PCDHGA5: variants seen among roughly 807,000 people sequenced by gnomAD.
PCDHGA5 encodes protocadherin gamma-A5.
A neutral mutation model predicts 56.7 loss-of-function variants in PCDHGA5; 36 were observed. The ratio of observed to expected loss-of-function variants is 0.64; its 90% CI spans 0.49 to 0.84. PCDHGA5 has a LOEUF of 0.84. Ranked by LOEUF, PCDHGA5 falls within the 40% of genes least tolerant of loss-of-function variation. The probability of loss-of-function intolerance (pLI) is 0.00; values close to 1 mark genes in which losing one functional copy is unlikely to be tolerated. For synonymous variants in PCDHGA5, 563 were observed against 520.2 expected, an observed-to-expected ratio of 1.08 and a Z score of -1.12; for missense variants, 1,305 against 1,201.5, an observed-to-expected ratio of 1.09 and a Z score of -1.27.
chr5:141,482,102 A>T (rs1016315214), intron 1 of PCDHGA5, among the ~76,000 whole-genome samples: 13 of 151,860 alleles, frequency 8.6e-5, no homozygotes, highest in African/African-American at 2.7e-4. Context: ...AAAAAAAAAA[A>T]AAATATCTAG....
intron 1 of PCDHGA5, among the ~76,000 whole-genome samples, chr5:141,492,781 T>A (rs945023154): frequency 6.6e-6 from 1 of 152,194 alleles, no homozygotes; most frequent in African/African-American, 2.4e-5. Context: ...TGAGTGAGCC[T>A]CTATAGGACA....
intron 3 of PCDHGA5, among the ~76,000 whole-genome samples, chr5:141,509,015 C>T (rs1370464396): frequency 6.6e-6 from 1 of 152,098 alleles, no homozygotes; most frequent in East Asian, 1.9e-4. Flanking sequence ...AAGTGGGCAG[C>T]TGCTCCCTCC....
chr5:141,386,441 T>C (rs908191919), intron 1 of PCDHGA5, among the ~76,000 whole-genome samples: 3 of 152,152 alleles, frequency 2.0e-5, no homozygotes, highest in African/African-American at 7.2e-5. Context: ...CATGGGAGGC[T>C]GAGGCAAGAG....
chr5:141,371,220 G>A (rs1172687028), intron 1 of PCDHGA5: 4 of 1,613,874 alleles, frequency 2.5e-6, no homozygotes, highest in South Asian at 1.1e-5. Flanking sequence ...CATCAATGCC[G>A]AAATCATCTA....
At chr5:141,400,684 G>GT (rs1422516327) in intron 1 of PCDHGA5, 1 of 834,872 alleles carries the variant, frequency 1.2e-6, no homozygotes, top group African/African-American at 1.7e-5. Flanking sequence ...TAAATTGTGA[G>GT]TTTTTATGTC....
rs1242637725 is a variant in PCDHGA5 at position 141,432,619 on chromosome 5, T to G, written c.2422-62188T>G. 3.1e-6 allele frequency: 5 copies of G among 1,612,618 alleles called. No homozygotes were observed. The highest frequency in any genetic ancestry group is 1.7e-5 in the Admixed American group (1 of 59,934). On this transcript the variant is annotated intron_variant, in intron 1 of 3. Transcript: ENST00000518069. This position sits in a 1 kb window ranked among gnomAD's most constrained non-coding sequence, Gnocchi z 6.0. ...GCGAGCCGGGACTCTTCTCGGTGGG[T>G]CTGCACACGGGCGAGGTGCGCACGG... is the stretch of plus-strand genomic sequence containing the variant.
chr5:141,490,906 G>C lies in PCDHGA5; in HGVS notation c.2422-3901G>C. On this transcript the variant is annotated intron_variant, in intron 1 of 3. Transcript: ENST00000518069. The surrounding 1 kb of genome is among the most constrained non-coding windows in gnomAD (Gnocchi z 5.4). ...CACATCTCTGCATGTGTTTGTCCTA[G>C]ACGAGAATGATAATGCCCCAGCTGT... The C allele has an allele frequency of 1.9e-6, 3 of 1,613,798 alleles. No individual in the cohort carries two copies. The highest frequency in any genetic ancestry group is 2.5e-6 in the Non-Finnish European group (3 of 1,179,808).
chr5:141,510,919 C>T (rs748157000), intron 3 of PCDHGA5, 28 bp from the exon 4 acceptor site: 1 of 1,613,894 alleles, frequency 6.2e-7, no homozygotes, highest in East Asian at 2.2e-5. Context: ...AAGTTTAGCT[C>T]CCACCTGATC....
intron 1 of PCDHGA5, among the ~76,000 whole-genome samples, chr5:141,455,289 A>C (rs1592356100): frequency 6.6e-6 from 1 of 152,074 alleles, no homozygotes; most frequent in South Asian, 2.1e-4. Flanking sequence ...ATCACTTTAC[A>C]TAGTTTCATC....
chr5:141,490,417 C>A lies in PCDHGA5; in HGVS notation c.2422-4390C>A, dbSNP rs767996336. ...AGTGAGCCTTGATATCTCTCCGGAC[C>A]TGCCATTTCAGATTAAGCCTTCTGA... On this transcript the variant is annotated intron_variant, in intron 1 of 3. Transcript: ENST00000518069. The surrounding 1 kb of genome is among the most constrained non-coding windows in gnomAD (Gnocchi z 5.4). 4.3e-6 allele frequency: 7 copies of A among 1,614,196 alleles called. No homozygotes were observed. In the South Asian group the frequency reaches 7.7e-5, roughly 18 times the overall value.
At chr5:141,444,621 G>A (rs1265458898) in intron 1 of PCDHGA5, among the ~76,000 whole-genome samples, 1 of 152,132 alleles carries the variant, frequency 6.6e-6, no homozygotes, top group Non-Finnish European at 1.5e-5. Flanking sequence ...CATGTGGCAT[G>A]ATGCACCAGT....
rs370032689 is a variant in PCDHGA5 at position 141,415,343 on chromosome 5, G to A, written c.2421+48592G>A. 84 of 1,614,112 alleles carry A rather than the reference G, an allele frequency of 5.2e-5. No homozygotes were observed. The African/African-American group carries it at 1.0e-3, about 20-fold the overall frequency. On this transcript the variant is annotated intron_variant, in intron 1 of 3. Transcript: ENST00000518069. The stretch of plus-strand genomic sequence containing the variant: ...CTGCTGGCGCACAGGCTGCGGCGCT[G>A]GCACAAGTCACGCCTGCTGCAGGCT...
chr5:141,375,164 C>A (rs374150026), intron 1 of PCDHGA5: 3 of 1,613,840 alleles, frequency 1.9e-6, no homozygotes, highest in African/African-American at 1.3e-5. Flanking sequence ...TGAAAGTGCA[C>A]CTCCAGGAAC....
intron 1 of PCDHGA5, among the ~76,000 whole-genome samples, chr5:141,481,620 C>G (rs1449979532): frequency 6.6e-6 from 1 of 152,112 alleles, no homozygotes; most frequent in African/African-American, 2.4e-5. Context: ...GAGTTCAAGA[C>G]CGGCCTGGCC....
chr5:141,383,975 A>G (rs2150246512), intron 1 of PCDHGA5: 3 of 1,613,820 alleles, frequency 1.9e-6, no homozygotes, highest in South Asian at 2.2e-5. Flanking sequence ...ATCCCTGAAG[A>G]CACACCTCTT....
chr5:141,409,442 C>T, intron 1 of PCDHGA5: 2 of 1,613,998 alleles, frequency 1.2e-6, no homozygotes, highest in Non-Finnish European at 1.7e-6. Flanking sequence ...GGACCGAGAG[C>T]AGACACCAGA....
rs545261528 is a variant in PCDHGA5 at position 141,404,038 on chromosome 5, G to C, written c.2421+37287G>C. 4.3e-6 allele frequency: 7 copies of C among 1,613,858 alleles called. No individual in the cohort carries two copies. The African/African-American group carries it at 8.0e-5, about 18-fold the overall frequency. ...GCCCAGTGAGAGAAGACGCACCTCA[G>C]GGAACAGTAATTCTTCTTTTCAATG... On this transcript the variant is annotated intron_variant, in intron 1 of 3. Coordinates refer to ENST00000518069, the MANE Select transcript of PCDHGA5 (RefSeq NM_018918.3).
chr5:141,376,217 C>T (rs1387510502), intron 1 of PCDHGA5: 1 of 1,614,210 alleles, frequency 6.2e-7, no homozygotes, highest in Non-Finnish European at 8.5e-7. Flanking sequence ...CATCGTGCTG[C>T]TGGCGCTCAG....
At chr5:141,442,005 C>G (rs1037210381) in intron 1 of PCDHGA5, 1 of 229,014 alleles carries the variant, frequency 4.4e-6, no homozygotes. Flanking sequence ...GCTGACAGCT[C>G]GCACGATGGG....
Sources: allele counts gnomAD v4.1 joint callset (sites outside exome capture counted in the v4.1 genomes callset), GRCh38; gene constraint gnomAD v4.1.1; non-coding constraint Gnocchi (gnomAD v3.1); transcripts MANE v1.5; gene names NCBI Gene and HGNC (gene_info 2026-07-23, HGNC 2026-07-21).